The following NCOA7 variants were observed in gnomAD, a reference collection of about 807,000 sequenced individuals.
NCOA7 encodes 140 kDa estrogen receptor-associated protein.
Under a neutral mutation model 104.3 loss-of-function variants are expected in NCOA7, and 45 were observed. That is an observed-to-expected ratio of 0.43 (90% CI 0.34 to 0.55). NCOA7 has a LOEUF of 0.55. Ranked by LOEUF, NCOA7 falls within the 20% of genes least tolerant of loss-of-function variation. The pLI is 0.02. For missense variants in NCOA7, 1,041 were observed against 1,119.7 expected, an observed-to-expected ratio of 0.93 and a Z score of 1.00; for synonymous variants, 398 against 402.3, an observed-to-expected ratio of 0.99 and a Z score of 0.13.
At position 125,882,448 on chromosome 6, in the gene NCOA7, C is replaced by T. The variant is rs1017439807; in HGVS notation, c.596C>T (p.Ala199Val). 6.2e-7 allele frequency: 1 copy of T among 1,613,458 alleles called. No homozygotes were observed. Among genetic ancestry groups the T allele is most frequent in the Admixed American group, 1.7e-5 (1 of 59,874 alleles). Residue 199 changes from alanine to valine, a missense_variant, in exon 7 of 16, where the codon GCC becomes GTC. By Grantham distance (64) the Ala-to-Val change is moderately conservative (BLOSUM62 0). Around this residue, in one of 2 missense-constraint regions of NCOA7, gnomAD observed 914 missense variants for 942.7 expected, o/e 0.97. Transcript: ENST00000392477. Reference sequence around the variant, plus strand: ...AAGGATGCTGACTTAGCACGAAAGGCCTTGAAACCCATTGAAAGAGTCTTA... The same window carrying T: ...AAGGATGCTGACTTAGCACGAAAGGTCTTGAAACCCATTGAAAGAGTCTTA... ...KLPDADLARK[A>V]LKPIERVLSS... is the part of the protein sequence containing the mutation.
At chr6:125,816,643 A>T (rs1777616614) in intron 2 of NCOA7, among the ~76,000 whole-genome samples, 1 of 152,242 alleles carries the variant, frequency 6.6e-6, no homozygotes. Context: ...AGAATAAATA[A>T]GATCTCCAAA....
At chr6:125,803,956 T>TC (rs1776166469) in intron 1 of NCOA7, among the ~76,000 whole-genome samples, 1 of 151,522 alleles carries the variant, frequency 6.6e-6, no homozygotes, top group Admixed American at 6.6e-5. Context: ...TTTTTTTTTT[T>TC]CCTCTCCTGA....
intron 13 of NCOA7, among the ~76,000 whole-genome samples, chr6:125,924,223 A>G (rs1761891920): frequency 6.6e-6 from 1 of 152,236 alleles, no homozygotes; most frequent in Non-Finnish European, 1.5e-5. Flanking sequence ...TGTCCTATTT[A>G]CTTACCAAAA....
upstream of NCOA7, among the ~76,000 whole-genome samples, chr6:125,786,714 T>A (rs920584694): frequency 6.6e-6 from 1 of 151,938 alleles, no homozygotes; most frequent in Non-Finnish European, 1.5e-5. Context: ...GTAGGTGGGA[T>A]ACAGGCATGT....
rs574308259 is a variant in NCOA7, at chr6:125,921,906, A to G, written c.2371-776A>G. ...AATGCACTTATGTTTGAACTGTAGT[A>G]AGGAATCCCTGGCATTTCCCTCATC... is the stretch of plus-strand genomic sequence containing the variant. On this transcript the variant is annotated intron_variant, in intron 12 of 15. Transcript: ENST00000392477. 6.6e-5 allele frequency among the ~76,000 whole-genome samples: 10 copies of G among 152,332 alleles called. No homozygotes were observed. In the East Asian group the frequency reaches 1.2e-3, roughly 18 times the overall value.
rs1037589215 is a variant in NCOA7, at chr6:125,853,253, G to A, written c.51-1767G>A. 5.9e-5 allele frequency among the ~76,000 whole-genome samples: 9 copies of A among 152,052 alleles called. No homozygotes were observed. In the South Asian group the frequency reaches 8.3e-4, roughly 14 times the overall value. ...GCAGTGCTACTGATCTGTGTACATC[G>A]ATTTTGTATCCTGAGACTTTACTGA... On this transcript the variant is annotated intron_variant, in intron 2 of 15. Coordinates refer to ENST00000392477, the MANE Select transcript of NCOA7 (RefSeq NM_181782.5).
intron 4 of NCOA7, among the ~76,000 whole-genome samples, chr6:125,877,670 C>T (rs1457781531): frequency 1.3e-5 from 2 of 152,144 alleles, no homozygotes; most frequent in African/African-American, 4.8e-5. Context: ...CTAATTTGAC[C>T]ATAGAAAAGT....
At chr6:125,894,944 T>A (rs1015327588) in intron 10 of NCOA7, among the ~76,000 whole-genome samples, 2 of 152,206 alleles carry the variant, frequency 1.3e-5, no homozygotes, top group African/African-American at 4.8e-5. Context: ...GACCCTATCC[T>A]GAGAACCTTA....
intron 2 of NCOA7, among the ~76,000 whole-genome samples, chr6:125,822,279 A>G (rs1307149258): frequency 6.6e-6 from 1 of 152,250 alleles, no homozygotes; most frequent in Admixed American, 6.5e-5. Context: ...AGTTTTAAGT[A>G]CTTGCTAAAT....
At chr6:125,853,315 A>G (rs980187484) in intron 2 of NCOA7, among the ~76,000 whole-genome samples, 2 of 152,176 alleles carry the variant, frequency 1.3e-5, no homozygotes, top group Non-Finnish European at 2.9e-5. Context: ...AGGAGTCTTC[A>G]GGGTTTCTAG....
At chr6:125,871,501 T>A (rs1021706250) in intron 3 of NCOA7, among the ~76,000 whole-genome samples, 1 of 152,246 alleles carries the variant, frequency 6.6e-6, no homozygotes, top group African/African-American at 2.4e-5. Flanking sequence ...AACCTTGCCT[T>A]GAGCTATAAT....
At chr6:125,838,637 A>G (rs774815598) in intron 2 of NCOA7, among the ~76,000 whole-genome samples, 1 of 152,156 alleles carries the variant, frequency 6.6e-6, no homozygotes, top group Non-Finnish European at 1.5e-5. Context: ...TTGAGTGTCC[A>G]ACAATTCCAT....
chr6:125,883,548 C>G (rs1385004706), intron 7 of NCOA7, among the ~76,000 whole-genome samples: 2 of 152,074 alleles, frequency 1.3e-5, no homozygotes, highest in East Asian at 3.9e-4. Flanking sequence ...TATTCTTTCC[C>G]CTTCCCTGCC....
chr6:125,885,567 C>G (rs900373524), intron 8 of NCOA7, among the ~76,000 whole-genome samples: 1 of 152,000 alleles, frequency 6.6e-6, no homozygotes, highest in African/African-American at 2.4e-5. Flanking sequence ...AACAAAGAAG[C>G]CGTCATGTAA....
intron 2 of NCOA7, among the ~76,000 whole-genome samples, chr6:125,850,909 G>A (rs1225609083): frequency 1.3e-5 from 2 of 152,124 alleles, no homozygotes; most frequent in South Asian, 2.1e-4. Context: ...TGAGCCTCAC[G>A]CAGGACTTTT....
intron 1 of NCOA7, among the ~76,000 whole-genome samples, chr6:125,813,885 A>G (rs966292418): frequency 6.6e-6 from 1 of 151,108 alleles, no homozygotes; most frequent in Non-Finnish European, 1.5e-5. Context: ...TATTTTGAAA[A>G]TATACATTAG....
chr6:125,874,457 A>T (rs1267681752), intron 3 of NCOA7, among the ~76,000 whole-genome samples: 1 of 152,014 alleles, frequency 6.6e-6, no homozygotes, highest in African/African-American at 2.4e-5. Context: ...TCTTCTTTTG[A>T]ATTTGTCATT....
At chr6:125,841,696 A>G (rs980914540) in intron 2 of NCOA7, among the ~76,000 whole-genome samples, 2 of 152,104 alleles carry the variant, frequency 1.3e-5, no homozygotes, top group South Asian at 2.1e-4. Flanking sequence ...CTAACTTTAG[A>G]AGGAAAAAAA....
intron 2 of NCOA7, among the ~76,000 whole-genome samples, chr6:125,835,652 C>T (rs963087572): frequency 6.6e-6 from 1 of 152,208 alleles, no homozygotes; most frequent in Non-Finnish European, 1.5e-5. Context: ...AGGGATTGGA[C>T]CAACTTAGAG....
Sources: allele counts gnomAD v4.1 joint callset (sites outside exome capture counted in the v4.1 genomes callset), GRCh38; gene constraint gnomAD v4.1.1; regional missense constraint gnomAD v4.1.1; transcripts MANE v1.5; gene names NCBI Gene and HGNC (gene_info 2026-07-23, HGNC 2026-07-21).